FRMD3: variants seen among roughly 807,000 people sequenced by gnomAD.
FRMD3 encodes the protein FERM domain-containing protein 3.
Under a neutral mutation model 70.2 loss-of-function variants are expected in FRMD3, and 33 were observed. That is an observed-to-expected ratio of 0.47 (90% CI 0.36 to 0.63). The LOEUF is 0.63. Ranked by LOEUF, FRMD3 falls within the 20% of genes least tolerant of loss-of-function variation. FRMD3 has a pLI of 0.00. For missense variants in FRMD3, 632 were observed against 711.4 expected (o/e 0.89, Z 1.27); for synonymous variants, 279 against 255.9 (o/e 1.09, Z -0.86).
intron 1 of FRMD3, among the ~76,000 whole-genome samples, chr9:83,480,582 A>G (rs1323222506): frequency 2.7e-5 from 4 of 148,624 alleles, no homozygotes; most frequent in Non-Finnish European, 5.9e-5. Flanking sequence ...CACAACCTCC[A>G]TCTCCCGGGT....
chr9:83,554,113 G>A, the FRMD3 span, among the ~76,000 whole-genome samples: 1 of 152,168 alleles, frequency 6.6e-6, no homozygotes, highest in Non-Finnish European at 1.5e-5. Context: ...GTTTCATAGG[G>A]GGGTATATTT....
chr9:83,398,616 C>A (rs1051039691), intron 1 of FRMD3, among the ~76,000 whole-genome samples: 3 of 152,094 alleles, frequency 2.0e-5, no homozygotes, highest in African/African-American at 7.2e-5. Flanking sequence ...CATAACAAAC[C>A]TGCACGTTGT....
chr9:83,584,330 G>A, the FRMD3 span, among the ~76,000 whole-genome samples: 1 of 151,800 alleles, frequency 6.6e-6, no homozygotes, highest in Admixed American at 6.6e-5. Flanking sequence ...AATAAATAAG[G>A]TAAAATGAGT....
intron 1 of FRMD3, among the ~76,000 whole-genome samples, chr9:83,457,874 T>C (rs1019183274): frequency 1.3e-5 from 2 of 152,002 alleles, no homozygotes; most frequent in African/African-American, 4.8e-5. Context: ...TGTATACATA[T>C]ATCAAAACAT....
intron 2 of FRMD3, among the ~76,000 whole-genome samples, chr9:83,377,050 T>C (rs1341097787): frequency 5.3e-5 from 8 of 152,208 alleles, no homozygotes; most frequent in Non-Finnish European, 2.9e-5. Context: ...CATAACTACT[T>C]GCTTGGATCT....
intron 1 of FRMD3, among the ~76,000 whole-genome samples, chr9:83,425,267 C>T (rs990224043): frequency 2.0e-5 from 3 of 152,046 alleles, no homozygotes; most frequent in Non-Finnish European, 4.4e-5. Flanking sequence ...GAGAAAAATC[C>T]AAGAGTGAGC....
chr9:83,245,558 C>T lies in FRMD3; in HGVS notation c.*2360G>A, dbSNP rs1327334150. 2 of 907,972 alleles carry T rather than the reference C, an allele frequency of 2.2e-6. No homozygotes were observed. Among genetic ancestry groups the T allele is most frequent in the South Asian group, 5.1e-5 (1 of 19,680 alleles). 56.2% of individuals were successfully genotyped at this position (907,972 alleles called of 1,614,324 possible). ...ATGTTAAAATAATATATTTATTACT[C>T]CTTAAGATAAATCTGCATCGTTGGA... On this transcript the variant is annotated 3_prime_UTR_variant, in exon 14 of 14. Transcript: ENST00000304195.
intron 12 of FRMD3, among the ~76,000 whole-genome samples, chr9:83,293,492 G>C (rs1481230016): frequency 1.3e-5 from 2 of 152,104 alleles, no homozygotes; most frequent in Admixed American, 1.3e-4. Context: ...TACAACGATG[G>C]GCCCTCGGTG....
At chr9:83,355,103 T>C (rs1397952566) in intron 3 of FRMD3, among the ~76,000 whole-genome samples, 1 of 152,148 alleles carries the variant, frequency 6.6e-6, no homozygotes, top group Non-Finnish European at 1.5e-5. Context: ...CCCTGGGACA[T>C]GTCCAAGGTC....
chr9:83,325,990 G>A (rs1363392311), intron 6 of FRMD3, among the ~76,000 whole-genome samples: 1 of 152,156 alleles, frequency 6.6e-6, no homozygotes, highest in African/African-American at 2.4e-5. Flanking sequence ...TGCTACAACA[G>A]TAGTAGTTGC....
intron 6 of FRMD3, among the ~76,000 whole-genome samples, chr9:83,323,215 A>C (rs1835871087): frequency 6.6e-6 from 1 of 152,228 alleles, no homozygotes; most frequent in South Asian, 2.1e-4. Context: ...TTGCACCAAG[A>C]AATAGATAGA....
chr9:83,520,134 A>G (rs574005468), intron 1 of FRMD3, among the ~76,000 whole-genome samples: 18 of 152,304 alleles, frequency 1.2e-4, no homozygotes, highest in Admixed American at 3.3e-4. Flanking sequence ...CCAGAACTTA[A>G]AGTATAATTT....
upstream of FRMD3, among the ~76,000 whole-genome samples, chr9:83,539,376 G>T (rs1404279960): frequency 6.6e-6 from 1 of 152,184 alleles, no homozygotes; most frequent in Non-Finnish European, 1.5e-5. Flanking sequence ...GTTGAGTCAG[G>T]GGTATGGAGC....
chr9:83,285,389 C>T (rs529034828), intron 13 of FRMD3, among the ~76,000 whole-genome samples: 1 of 152,296 alleles, frequency 6.6e-6, no homozygotes, highest in African/African-American at 2.4e-5. Context: ...CTTCACATGA[C>T]CCTTTAATCT....
chr9:83,384,626 A>G (rs747641662), intron 2 of FRMD3, among the ~76,000 whole-genome samples: 4 of 152,168 alleles, frequency 2.6e-5, no homozygotes, highest in Non-Finnish European at 5.9e-5. Context: ...TCAGGACTGA[A>G]CATGACCTTG....
the FRMD3 span, among the ~76,000 whole-genome samples, chr9:83,573,169 T>C: frequency 4.6e-5 from 7 of 152,164 alleles, no homozygotes; most frequent in Admixed American, 3.9e-4. Flanking sequence ...TAAACATTAA[T>C]TGAGCATCTA....
intron 1 of FRMD3, among the ~76,000 whole-genome samples, chr9:83,447,801 C>G (rs1473204439): frequency 2.0e-5 from 3 of 152,178 alleles, no homozygotes; most frequent in Admixed American, 1.3e-4. Flanking sequence ...AATCCTAACA[C>G]CACCATGTTC....
chr9:83,248,619 T>C, intron 13 of FRMD3, 103 bp from the exon 14 acceptor site: 1 of 1,203,954 alleles, frequency 8.3e-7, no homozygotes, highest in Non-Finnish European at 1.1e-6. Context: ...ATTCAAGCAA[T>C]CTATGAAATT....
intron 6 of FRMD3, among the ~76,000 whole-genome samples, chr9:83,318,491 G>A (rs562711008): frequency 1.3e-5 from 2 of 152,090 alleles, no homozygotes; most frequent in East Asian, 3.9e-4. Context: ...ATGTGTGTGT[G>A]TGTGTGTATA....
Sources: allele counts gnomAD v4.1 joint callset (sites outside exome capture counted in the v4.1 genomes callset), GRCh38; gene constraint gnomAD v4.1.1; transcripts MANE v1.5; gene names NCBI Gene and HGNC (gene_info 2026-07-23, HGNC 2026-07-21).